THSD7B: variants seen among roughly 807,000 people sequenced by gnomAD.
The protein encoded by THSD7B is thrombospondin type 1 domain containing 7B.
In THSD7B, 138 loss-of-function variants were observed where a neutral mutation model predicts 213.6. The observed-to-expected ratio is 0.65, with a 90% CI of 0.56 to 0.74. The LOEUF is 0.74. Ranked by LOEUF, THSD7B falls within the 30% of genes least tolerant of loss-of-function variation. The pLI is 0.00. For synonymous variants in THSD7B, 742 were observed against 687.0 expected, an observed-to-expected ratio of 1.08 and a Z score of -1.25; for missense variants, 1,931 against 1,991.5, an observed-to-expected ratio of 0.97 and a Z score of 0.58.
intron 12 of THSD7B, among the ~76,000 whole-genome samples, chr2:137,323,142 A>G (rs1379299758): frequency 6.6e-6 from 1 of 152,252 alleles, no homozygotes; most frequent in Non-Finnish European, 1.5e-5. Flanking sequence ...ATCAGGTTCA[A>G]TCACAATTCT....
chr2:137,403,736 C>G (rs1178883680), intron 12 of THSD7B, among the ~76,000 whole-genome samples: 1 of 152,132 alleles, frequency 6.6e-6, no homozygotes, highest in Non-Finnish European at 1.5e-5. Flanking sequence ...TCATATACAT[C>G]CATGGTTAGG....
intron 3 of THSD7B, among the ~76,000 whole-genome samples, chr2:137,064,830 A>G (rs998327007): frequency 6.6e-6 from 1 of 151,780 alleles, no homozygotes; most frequent in South Asian, 2.1e-4. Flanking sequence ...GTATGGGTTT[A>G]TTTCTGGGTT....
chr2:137,640,863 T>C (rs892128271), intron 20 of THSD7B, among the ~76,000 whole-genome samples: 1 of 152,244 alleles, frequency 6.6e-6, no homozygotes, highest in East Asian at 1.9e-4. Context: ...TGAAGTACCA[T>C]GTTAGGCACA....
chr2:137,114,195 G>A (rs904771332), intron 4 of THSD7B, among the ~76,000 whole-genome samples: 1 of 152,238 alleles, frequency 6.6e-6, no homozygotes, highest in South Asian at 2.1e-4. Flanking sequence ...AATATGAAAT[G>A]GGACAGCAGA....
chr2:136,784,464 G>A (rs1056480633), intron 1 of THSD7B, among the ~76,000 whole-genome samples: 2 of 151,808 alleles, frequency 1.3e-5, no homozygotes, highest in African/African-American at 4.8e-5. Flanking sequence ...TATTTATTTT[G>A]TAGGCTCCAT....
intron 12 of THSD7B, among the ~76,000 whole-genome samples, chr2:137,332,046 G>A (rs1347167613): frequency 6.6e-6 from 1 of 152,168 alleles, no homozygotes; most frequent in Non-Finnish European, 1.5e-5. Flanking sequence ...AGCCCAGAAA[G>A]GGGCTCCCAC....
chr2:137,144,399 G>A (rs1396289275), intron 5 of THSD7B, among the ~76,000 whole-genome samples: 6 of 151,968 alleles, frequency 3.9e-5, no homozygotes, highest in African/African-American at 1.4e-4. Flanking sequence ...TTATTTATGT[G>A]TTTATTCAAC....
chr2:137,555,521 T>C (rs1395312695), intron 15 of THSD7B, among the ~76,000 whole-genome samples: 2 of 151,970 alleles, frequency 1.3e-5, no homozygotes, highest in African/African-American at 4.8e-5. Context: ...AGAAAGGACA[T>C]CCACACCAAA....
intron 17 of THSD7B, among the ~76,000 whole-genome samples, chr2:137,613,068 G>T (rs1682317096): frequency 6.6e-6 from 1 of 152,036 alleles, no homozygotes; most frequent in Non-Finnish European, 1.5e-5. Flanking sequence ...CTCCTTACAG[G>T]TCTAAAACCA....
chr2:137,455,782 C>T (rs1687750823), intron 15 of THSD7B, among the ~76,000 whole-genome samples: 3 of 152,156 alleles, frequency 2.0e-5, no homozygotes, highest in African/African-American at 7.2e-5. Flanking sequence ...TTTAATTTTT[C>T]ACAGTCTCTA....
intron 12 of THSD7B, among the ~76,000 whole-genome samples, chr2:137,369,140 CG>C (rs923329898): frequency 2.1e-4 from 4 of 19,190 alleles, no homozygotes; most frequent in Admixed American, 6.9e-4. Flanking sequence ...GGAGGGGGGG[CG>C]GGGGGGACCA....
intron 2 of THSD7B, among the ~76,000 whole-genome samples, chr2:137,022,688 A>T (rs1162980308): frequency 2.0e-5 from 3 of 151,942 alleles, no homozygotes; most frequent in Admixed American, 6.6e-5. Flanking sequence ...CTGGTAGATC[A>T]CACTTTCTGT....
At chr2:136,942,649 T>C (rs560164619) in intron 2 of THSD7B, among the ~76,000 whole-genome samples, 1 of 152,318 alleles carries the variant, frequency 6.6e-6, no homozygotes, top group Admixed American at 6.5e-5. Flanking sequence ...TGGCTCTCTG[T>C]TTGTCTGTTA....
At chr2:136,981,522 C>G (rs1056805629) in intron 2 of THSD7B, among the ~76,000 whole-genome samples, 6 of 152,174 alleles carry the variant, frequency 3.9e-5, no homozygotes, top group Non-Finnish European at 8.8e-5. Flanking sequence ...CTAGCCATCC[C>G]TCCCTCTGTG....
chr2:137,116,209 A>G (rs953102574), intron 5 of THSD7B, among the ~76,000 whole-genome samples: 22 of 152,184 alleles, frequency 1.4e-4, no homozygotes, highest in Non-Finnish European at 5.9e-5. Flanking sequence ...CAGATAAGGT[A>G]CCTGATGGGA....
intron 2 of THSD7B, among the ~76,000 whole-genome samples, chr2:136,985,210 A>C (rs559931961): frequency 6.6e-6 from 1 of 152,182 alleles, no homozygotes; most frequent in East Asian, 1.9e-4. Flanking sequence ...GATTAGCAGG[A>C]TTGGAAGGGA....
intron 16 of THSD7B, among the ~76,000 whole-genome samples, chr2:137,564,830 G>A (rs1281700308): frequency 2.6e-5 from 4 of 152,048 alleles, no homozygotes; most frequent in Non-Finnish European, 4.4e-5. Flanking sequence ...TAACTATGAA[G>A]CATTATTCTA....
At chr2:137,614,862 G>T (rs758734329) in intron 17 of THSD7B, among the ~76,000 whole-genome samples, 24 of 151,976 alleles carry the variant, frequency 1.6e-4, no homozygotes, top group Non-Finnish European at 2.8e-4. Flanking sequence ...TAATAATTTT[G>T]GTTCATAGTC....
chr2:136,996,678 C>G (rs1306547594), intron 2 of THSD7B, among the ~76,000 whole-genome samples: 1 of 152,116 alleles, frequency 6.6e-6, no homozygotes, highest in African/African-American at 2.4e-5. Flanking sequence ...TAGAAACACA[C>G]TAGAAACAGA....
Sources: allele counts gnomAD v4.1 joint callset (sites outside exome capture counted in the v4.1 genomes callset), GRCh38; gene constraint gnomAD v4.1.1; transcripts MANE v1.5; gene names NCBI Gene and HGNC (gene_info 2026-07-23, HGNC 2026-07-21).